Variants in KMT2B observed in about 807,000 individuals in gnomAD.
The protein encoded by KMT2B is lysine methyltransferase 2B.
A neutral mutation model predicts 255.3 loss-of-function variants in KMT2B; 22 were observed. The observed-to-expected ratio is 0.09, with a 90% CI of 0.06 to 0.12. KMT2B has a LOEUF of 0.12. KMT2B is among the 10% of genes least tolerant of loss of function. The pLI, the probability that KMT2B is intolerant of heterozygous loss-of-function variation, is 1.00. For missense variants in KMT2B, 3,149 were observed against 3,737.0 expected (o/e 0.84, Z 4.10); for synonymous variants, 1,730 against 1,498.1 (o/e 1.15, Z -3.57).
Position 35,721,674 on chromosome 19 carries a change from G to A in KMT2B, c.2327G>A (p.Arg776Gln), listed in dbSNP as rs568272454. Residue 776 changes from arginine (R) to glutamine (Q), a missense_variant, in exon 3 of 37, where the codon CGG becomes CAG. Physicochemically the swap from Arg to Gln is conservative, Grantham distance 43 (BLOSUM62 1). This residue lies in a region of KMT2B where 1,188 missense variants were observed against 1,106.4 expected (regional missense o/e 1.07). Transcript: ENST00000420124. ...CAGATGCCTCCCCTGGAAAAAGCCC[G>A]GATTGCGGGCGTGGGTTCCTTGCCG... is the stretch of plus-strand genomic sequence containing the variant. ...PQQMPPLEKA[R>Q]IAGVGSLPLS... is the part of the protein sequence containing the mutation. 3.2e-5 allele frequency: 52 copies of A among 1,612,250 alleles called. No individual in the cohort carries two copies. Among genetic ancestry groups the A allele is most frequent in the South Asian group, 1.3e-4 (12 of 90,938 alleles).
Position 35,725,935 on chromosome 19 carries a change from T to C in KMT2B, c.3885+117T>C. 1.2e-6 allele frequency: 1 copy of C among 821,774 alleles called. No individual in the cohort carries two copies. The highest frequency in any genetic ancestry group is 2.7e-5 in the East Asian group (1 of 37,272). The allele number at this position is 821,774 out of a possible 1,614,324, so 50.9% of individuals were successfully genotyped here. On this transcript the variant is annotated intron_variant, in intron 13 of 36. Transcript: ENST00000420124. The surrounding 1 kb of genome is among the most constrained non-coding windows in gnomAD (Gnocchi z 4.1). Reference sequence around the variant, plus strand: ...AGAGGTTGGGGATCCTCTTAAGAATTGATTAGTAATGTTTCCTCTTCAAAA... The same window carrying C: ...AGAGGTTGGGGATCCTCTTAAGAATCGATTAGTAATGTTTCCTCTTCAAAA...
rs764773634 is a variant in KMT2B at position 35,726,314 on chromosome 19, T to G, written c.3964T>G (p.Tyr1322Asp). 1.9e-6 allele frequency: 3 copies of G among 1,613,754 alleles called. No individual in the cohort carries two copies. Among genetic ancestry groups the G allele is most frequent in the Non-Finnish European group, 2.5e-6 (3 of 1,179,822 alleles). Residue 1322 changes from tyrosine to aspartate, a missense_variant, in exon 14 of 37, where the codon TAC becomes GAC. Around this residue, in one of 18 missense-constraint regions of KMT2B, gnomAD observed 377 missense variants for 471.0 expected, o/e 0.80. Transcript: ENST00000420124. Reference sequence around the variant, plus strand: ...CTGGGACGTCGAGTGGTCTGGAGATTACAGCCTCTGCCCCAGGTGCACCCA... The same window carrying G: ...CTGGGACGTCGAGTGGTCTGGAGATGACAGCCTCTGCCCCAGGTGCACCCA... ...KNWDVEWSGD[Y>D]SLCPRCTQLY...
Position 35,730,635 on chromosome 19 carries a change from C to G in KMT2B, c.5276+19C>G. 6.2e-7 allele frequency: 1 copy of G among 1,612,588 alleles called. No homozygotes were observed. Among genetic ancestry groups the G allele is most frequent in the Non-Finnish European group, 8.5e-7 (1 of 1,179,862 alleles). On this transcript the variant is annotated intron_variant, in intron 25 of 36. Transcript: ENST00000420124. Reference sequence around the variant, plus strand: ...GCTACCAGTGAGCGGTCGGGGTGATCCATGGGGCCAGGGGACTCCATAGCT... The same window carrying G: ...GCTACCAGTGAGCGGTCGGGGTGATGCATGGGGCCAGGGGACTCCATAGCT...
chr19:35,721,832 A>G (rs1190077731), intron 3 of KMT2B, 28 bp downstream of exon 3: 4 of 1,528,362 alleles, frequency 2.6e-6, no homozygotes, highest in Non-Finnish European at 3.5e-6. Flanking sequence ...GCCCAGCGGC[A>G]CACCCAGCCA....
chr19:35,727,200 T>G lies in KMT2B; in HGVS notation c.4048T>G (p.Tyr1350Asp). The G allele has an allele frequency of 6.2e-7, 1 of 1,613,542 alleles. No homozygotes were observed. Among genetic ancestry groups the G allele is most frequent in the Non-Finnish European group, 8.5e-7 (1 of 1,179,768 alleles). ...ICTRCYEDNDYESKMMQCAQC... is the reference protein window; with the variant it reads ...ICTRCYEDNDDESKMMQCAQC... ...TACACGCTGCTATGAAGACAACGAC[T>G]ATGAGAGCAAGATGATGCAGTGCGC... is the stretch of plus-strand genomic sequence containing the variant. The change falls in exon 15 of 37, where the codon TAT becomes GAT. Residue 1350 changes from tyrosine to aspartate, a missense_variant. By Grantham distance (160) the Tyr-to-Asp change is radical. Transcript: ENST00000420124. This position sits in a 1 kb window ranked among gnomAD's most constrained non-coding sequence, Gnocchi z 4.2.
At chr19:35,724,492 C>G (rs1260691208) in intron 8 of KMT2B, 145 bp from the exon 9 acceptor site, 5 of 715,096 alleles carry the variant, frequency 7.0e-6, no homozygotes, top group African/African-American at 3.5e-5. Context: ...GAGCGAGACC[C>G]TGCCTCAAAA....
Position 35,725,124 on chromosome 19 carries a change from G to A in KMT2B, c.3528+37G>A. The A allele has an allele frequency of 6.3e-7, 1 of 1,589,848 alleles. No individual in the cohort carries two copies. Among genetic ancestry groups the A allele is most frequent in the Non-Finnish European group, 8.6e-7 (1 of 1,157,990 alleles). On this transcript the variant is annotated intron_variant, in intron 10 of 36. Coordinates refer to ENST00000420124, the MANE Select transcript of KMT2B (RefSeq NM_014727.3). This position sits in a 1 kb window ranked among gnomAD's most constrained non-coding sequence, Gnocchi z 4.1. ...AGTGGGGCGAGTCACAGAGCCTCTG[G>A]TTGGAAGAACCTCGATGACTGTGTC...
Position 35,718,058 on chromosome 19 carries a change from G to A in KMT2B, c.40G>A (p.Gly14Ser), listed in dbSNP as rs960721516. Reference sequence around the variant, plus strand: ...GGGCGGCGGCAGTTGCCCCGGGCCTGGCTCCGCGCGGGGCCGCTTCCCGGG... The same window carrying A: ...GGGCGGCGGCAGTTGCCCCGGGCCTAGCTCCGCGCGGGGCCGCTTCCCGGG... ...AAGGGSCPGPGSARGRFPGRP... is the reference protein window; with the variant it reads ...AAGGGSCPGPSSARGRFPGRP... Residue 14 changes from glycine (G) to serine (S), a missense_variant, in exon 1 of 37, where the codon GGC becomes AGC. Physicochemically the swap from Gly to Ser is moderately conservative, Grantham distance 56. Transcript: ENST00000420124. The surrounding 1 kb of genome is among the most constrained non-coding windows in gnomAD (Gnocchi z 5.0). The A allele has an allele frequency of 5.2e-5, 51 of 986,788 alleles. No homozygotes were observed. The highest frequency in any genetic ancestry group is 5.8e-5 in the Non-Finnish European group (48 of 832,254). 61.1% of individuals were successfully genotyped at this position (986,788 alleles called of 1,614,324 possible).
Position 35,732,705 on chromosome 19 carries a change from C to T in KMT2B, c.6156C>T (p.Thr2052=), listed in dbSNP as rs747503590. The T allele has an allele frequency of 6.2e-7, 1 of 1,609,126 alleles. No homozygotes were observed. Among genetic ancestry groups the T allele is most frequent in the African/African-American group, 1.3e-5 (1 of 74,958 alleles). ...VSAPGLAPSA[T]PGAPRIEQLD... ...CCCCTGGTCTGGCCCCCAGCGCTAC[C>T]CCTGGAGCCCCCCGCATTGAACAGC... Residue 2052 remains threonine, a synonymous_variant, in exon 28 of 37, where the codon ACC becomes ACT. Transcript: ENST00000420124.
In KMT2B at chr19:35,719,865, C is replaced by A. The variant is rs1969111342; in HGVS notation, c.518C>A (p.Pro173His). Residue 173 changes from proline to histidine, a missense_variant, in exon 3 of 37, where the codon CCC becomes CAC. Coordinates refer to ENST00000420124, the MANE Select transcript of KMT2B (RefSeq NM_014727.3). ...PPRLADVAPT[P>H]PKTPARKRGE... is the part of the protein sequence containing the mutation. ...CGCCTAGCAGATGTGGCTCCTACCC[C>A]CCCAAAGACCCCTGCCCGGAAACGG... is the stretch of plus-strand genomic sequence containing the variant. 1 of 1,613,378 alleles carries A rather than the reference C, an allele frequency of 6.2e-7. No individual in the cohort carries two copies.
rs759860714 is a variant in KMT2B, at chr19:35,724,649, C to T, written c.3347C>T (p.Pro1116Leu). Residue 1116 changes from proline (P) to leucine (L), a missense_variant, in exon 9 of 37, where the codon CCA becomes CTA. Pro to Leu is a moderately conservative substitution (Grantham distance 98). This residue lies in a region of KMT2B where 136 missense variants were observed against 137.3 expected (regional missense o/e 0.99). Transcript: ENST00000420124. Reference sequence around the variant, plus strand: ...GTGTCCTGCCTAGAGCTGCCACTGCCAGAACCTGAGGAGCAGAGCCGGCCC... The same window carrying T: ...GTGTCCTGCCTAGAGCTGCCACTGCTAGAACCTGAGGAGCAGAGCCGGCCC... ...RTPRENELPL[P>L]EPEEQSRPRK... is the part of the protein sequence containing the mutation. 12 of 1,598,664 alleles carry T rather than the reference C, an allele frequency of 7.5e-6. No homozygotes were observed. Among genetic ancestry groups the T allele is most frequent in the Non-Finnish European group, 8.5e-6 (10 of 1,173,088 alleles).
chr19:35,719,357 T>C (rs1568366689), intron 1 of KMT2B, 112 bp from the exon 2 acceptor site: 2 of 746,712 alleles, frequency 2.7e-6, no homozygotes, highest in Admixed American at 2.9e-5. Context: ...TCTTTTTAAA[T>C]AGGCAGGGGT....
intron 19 of KMT2B, 86 bp from the exon 20 acceptor site, chr19:35,728,688 A>G (rs756177910): frequency 3.2e-6 from 3 of 939,428 alleles, no homozygotes; most frequent in Non-Finnish European, 5.1e-6. Context: ...AGCGGGTGTC[A>G]TGGCGAGTTC....
In KMT2B at chr19:35,728,943, C is replaced by T. The variant is rs182907764; in HGVS notation, c.4688-42C>T. The stretch of plus-strand genomic sequence containing the variant: ...GGGCCCTGTGTTGGTGGCCTGGCTC[C>T]GGGTCCTGATTCTTAGACCTCCCTT... On this transcript the variant is annotated intron_variant, in intron 20 of 36. Coordinates refer to ENST00000420124, the MANE Select transcript of KMT2B (RefSeq NM_014727.3). 121 of 1,612,642 alleles carry T rather than the reference C, an allele frequency of 7.5e-5. No individual in the cohort carries two copies. The East Asian group carries it at 1.1e-3, about 14-fold the overall frequency.
At position 35,727,034 on chromosome 19, in the gene KMT2B, A is replaced by C; in HGVS notation, c.4004-122A>C. 1.8e-6 allele frequency: 1 copy of C among 561,478 alleles called. No individual in the cohort carries two copies. The highest frequency in any genetic ancestry group is 3.2e-6 in the Non-Finnish European group (1 of 314,466). The allele number at this position is 561,478 out of a possible 1,614,324, so 34.8% of individuals were successfully genotyped here. A position where few individuals can be genotyped will look rare whatever the true frequency, so the allele number is the denominator to read the frequency against. Reference sequence around the variant, plus strand: ...CATCCTCAAGGAGCTTTTAGGGACTAGTAGGGGCCCAAAACAGGGGCATAG... The same window carrying C: ...CATCCTCAAGGAGCTTTTAGGGACTCGTAGGGGCCCAAAACAGGGGCATAG... On this transcript the variant is annotated intron_variant, in intron 14 of 36. Coordinates refer to ENST00000420124, the MANE Select transcript of KMT2B (RefSeq NM_014727.3). This position sits in a 1 kb window ranked among gnomAD's most constrained non-coding sequence, Gnocchi z 4.2.
rs371915125 is a variant in KMT2B, at chr19:35,727,096, G to A, written c.4004-60G>A. The stretch of plus-strand genomic sequence containing the variant: ...AAGGTACTGCTAATCCTTGAACAGA[G>A]ACACTCAGGGCTGAGTGGGAACTCC... On this transcript the variant is annotated intron_variant, in intron 14 of 36. Transcript: ENST00000420124. This position sits in a 1 kb window ranked among gnomAD's most constrained non-coding sequence, Gnocchi z 4.2. 2.5e-6 allele frequency: 3 copies of A among 1,201,392 alleles called. No homozygotes were observed. The African/African-American group carries it at 4.5e-5, about 18-fold the overall frequency. The allele number at this position is 1,201,392 out of a possible 1,614,324, so 74.4% of individuals were successfully genotyped here. A position where few individuals can be genotyped will look rare whatever the true frequency, so the allele number is the denominator to read the frequency against.
chr19:35,729,430 G>A, intron 22 of KMT2B, 134 bp downstream of exon 22: 1 of 1,252,838 alleles, frequency 8.0e-7, no homozygotes, highest in Non-Finnish European at 1.1e-6. Flanking sequence ...TGGTTGCCCT[G>A]GGACGTTGGT....
At chr19:35,722,096 C>T (rs1416889519) in intron 3 of KMT2B, among the ~76,000 whole-genome samples, 2 of 151,844 alleles carry the variant, frequency 1.3e-5, no homozygotes, top group Non-Finnish European at 2.9e-5. Context: ...CCTTTGCCTC[C>T]CGGGTTCAAG....
intron 18 of KMT2B, 31 bp from the exon 19 acceptor site, chr19:35,728,067 G>C (rs770673431): frequency 1.3e-6 from 2 of 1,576,042 alleles, no homozygotes; most frequent in African/African-American, 2.7e-5. Flanking sequence ...GGGGAAGCTG[G>C]CTCTTCTCAT....
Sources: allele counts gnomAD v4.1 joint callset (sites outside exome capture counted in the v4.1 genomes callset), GRCh38; gene constraint gnomAD v4.1.1; regional missense constraint gnomAD v4.1.1; non-coding constraint Gnocchi (gnomAD v3.1); transcripts MANE v1.5; gene names NCBI Gene and HGNC (gene_info 2026-07-23, HGNC 2026-07-21).